PPP1R12B: variants seen among roughly 807,000 people sequenced by gnomAD.
PPP1R12B encodes myosin phosphatase target subunit 2.
A neutral mutation model predicts 126.1 loss-of-function variants in PPP1R12B; 76 were observed. The ratio of observed to expected loss-of-function variants is 0.60; its 90% CI spans 0.50 to 0.73. The LOEUF (loss-of-function observed/expected upper bound fraction) is 0.73. Among genes scored for constraint, PPP1R12B ranks in the 30% least tolerant of loss-of-function variants. PPP1R12B has a pLI of 0.00. For missense variants in PPP1R12B, 1,052 were observed against 1,205.1 expected (o/e 0.87, Z 1.88); for synonymous variants, 356 against 434.7 (o/e 0.82, Z 2.25).
intron 23 of PPP1R12B, among the ~76,000 whole-genome samples, chr1:202,573,671 G>A (rs1039421320): frequency 7.9e-5 from 12 of 152,082 alleles, no homozygotes; most frequent in Non-Finnish European, 7.3e-5. Context: ...TAGCAGAGTC[G>A]GCAGGCCTTT....
chr1:202,498,169 C>T (rs987214712), intron 18 of PPP1R12B, among the ~76,000 whole-genome samples: 1 of 152,152 alleles, frequency 6.6e-6, no homozygotes, highest in Non-Finnish European at 1.5e-5. Context: ...GATCTTGATG[C>T]AGTACTTCCT....
chr1:202,481,752 C>T (rs927523631), intron 13 of PPP1R12B, among the ~76,000 whole-genome samples: 2 of 152,132 alleles, frequency 1.3e-5, no homozygotes, highest in African/African-American at 4.8e-5. Flanking sequence ...ATCTCTTTTA[C>T]CTATTTTGTA....
chr1:202,491,527 A>G (rs576693227), intron 14 of PPP1R12B, among the ~76,000 whole-genome samples: 5 of 152,316 alleles, frequency 3.3e-5, no homozygotes, highest in Admixed American at 2.6e-4. Flanking sequence ...TTCCACCATC[A>G]TACAGTAAAT....
chr1:202,575,943 T>C (rs1689054447), intron 23 of PPP1R12B: 1 of 152,264 alleles, frequency 6.6e-6, no homozygotes. Context: ...CTGCATCCCA[T>C]TATTCAAGCA....
In PPP1R12B at chr1:202,586,016, CCTTA is replaced by C. The variant is rs1689790569; in HGVS notation, c.*5458_*5461del. Reference sequence around the variant, plus strand: ...GTCTGGTTCATTGTCTTGAACTCTGCCTTACAGCAGCAAGAAAATTTTCCTCGAC... The same window carrying C: ...GTCTGGTTCATTGTCTTGAACTCTGCCAGCAGCAAGAAAATTTTCCTCGAC... On this transcript the variant is annotated 3_prime_UTR_variant, in exon 24 of 24. Transcript: ENST00000608999. 1 of 152,236 alleles carries C rather than the reference CCTTA, an allele frequency of 6.6e-6. No homozygotes were observed. The highest frequency in any genetic ancestry group is 1.5e-5 in the Non-Finnish European group (1 of 68,044). 9.4% of individuals were successfully genotyped at this position (152,236 alleles called of 1,614,324 possible).
At chr1:202,500,638 A>G (rs549055087) in intron 18 of PPP1R12B, among the ~76,000 whole-genome samples, 4 of 152,164 alleles carry the variant, frequency 2.6e-5, no homozygotes, top group Non-Finnish European at 4.4e-5. Context: ...AGGTAGGGGG[A>G]ATAAGTTCTA....
At chr1:202,553,433 GA>G (rs1686524951) in intron 18 of PPP1R12B, among the ~76,000 whole-genome samples, 1 of 152,172 alleles carries the variant, frequency 6.6e-6, no homozygotes, top group African/African-American at 2.4e-5. Flanking sequence ...AACACTTAGA[GA>G]AGTTCTAAGA....
In PPP1R12B at chr1:202,555,418, T is replaced by C. The variant is rs56841647; in HGVS notation, c.2491-3459T>C. Among the ~76,000 whole-genome samples the C allele has an allele frequency of 7.7e-5, 6 of 78,098 alleles. No individual in the cohort carries two copies. In the East Asian group the frequency reaches 1.6e-3, roughly 21 times the overall value. The allele number at this position is 78,098 out of a possible 152,430, so 51.2% of individuals were successfully genotyped here. A position where few individuals can be genotyped will look rare whatever the true frequency, so the allele number is the denominator to read the frequency against. On this transcript the variant is annotated intron_variant, in intron 18 of 23. Coordinates refer to ENST00000608999, the MANE Select transcript of PPP1R12B (RefSeq NM_002481.4). ...ACAGCAGAATTTAAAACTAAAGATA[T>C]AGTAAAATCTTACCCAACAAATAGG...
In PPP1R12B at chr1:202,589,568, CT is replaced by C. The variant is rs1690028167; in HGVS notation, c.*9009del. 6.6e-6 allele frequency: 1 copy of C among 152,374 alleles called. No individual in the cohort carries two copies. The highest frequency in any genetic ancestry group is 2.1e-4 in the South Asian group (1 of 4,832). 9.4% of individuals were successfully genotyped at this position (152,374 alleles called of 1,614,324 possible). ...ATGTCATTTCTCTTTCTGACCCCCA[CT>C]GGTTGTAGTAAGGTCTGCAGATACA... On this transcript the variant is annotated 3_prime_UTR_variant, in exon 24 of 24. Coordinates refer to ENST00000608999, the MANE Select transcript of PPP1R12B (RefSeq NM_002481.4).
intron 10 of PPP1R12B, chr1:202,438,935 A>G: frequency 1.3e-6 from 2 of 1,532,946 alleles, no homozygotes; most frequent in South Asian, 1.1e-5. Flanking sequence ...GACCCCGAAG[A>G]CGGCCGTGGA....
chr1:202,556,871 CAATA>C (rs1277031019), intron 18 of PPP1R12B, among the ~76,000 whole-genome samples: 4 of 152,222 alleles, frequency 2.6e-5, no homozygotes, highest in Admixed American at 2.0e-4. Flanking sequence ...TGACATGTCA[CAATA>C]AATAGTTTTC....
At chr1:202,521,763 A>G (rs1682815827) in intron 18 of PPP1R12B, among the ~76,000 whole-genome samples, 3 of 152,198 alleles carry the variant, frequency 2.0e-5, no homozygotes, top group African/African-American at 7.2e-5. Context: ...GCAAAGGAGA[A>G]AAAAGAATGA....
chr1:202,506,214 C>T (rs1680789879), intron 18 of PPP1R12B, among the ~76,000 whole-genome samples: 1 of 152,198 alleles, frequency 6.6e-6, no homozygotes. Context: ...CTCGAAGGAT[C>T]TTTCCTCTCA....
At chr1:202,494,613 C>T (rs1029523744) in intron 15 of PPP1R12B, among the ~76,000 whole-genome samples, 6 of 147,594 alleles carry the variant, frequency 4.1e-5, no homozygotes, top group Admixed American at 2.0e-4. Flanking sequence ...CCACAATAGA[C>T]CAGAATTGCT....
intron 18 of PPP1R12B, among the ~76,000 whole-genome samples, chr1:202,550,541 T>C (rs541900942): frequency 2.2e-4 from 34 of 152,366 alleles, no homozygotes; most frequent in African/African-American, 8.2e-4. Flanking sequence ...CTGATCAGGC[T>C]TCTTAGGTGT....
chr1:202,363,751 A>G (rs1170060371), intron 1 of PPP1R12B, among the ~76,000 whole-genome samples: 1 of 152,108 alleles, frequency 6.6e-6, no homozygotes, highest in Non-Finnish European at 1.5e-5. Flanking sequence ...CACCTGTGCC[A>G]TTTTATTTTA....
At chr1:202,530,971 A>G (rs1683873313) in intron 18 of PPP1R12B, among the ~76,000 whole-genome samples, 1 of 152,238 alleles carries the variant, frequency 6.6e-6, no homozygotes, top group Admixed American at 6.5e-5. Flanking sequence ...ATTTTGTGGT[A>G]AAGTCCCTAA....
chr1:202,467,859 A>G (rs1046696018), intron 13 of PPP1R12B, among the ~76,000 whole-genome samples: 1 of 152,050 alleles, frequency 6.6e-6, no homozygotes, highest in Non-Finnish European at 1.5e-5. Context: ...AAGTGTTCCT[A>G]TTTCTCCACA....
At chr1:202,495,903 C>G (rs1307453948) in intron 17 of PPP1R12B, among the ~76,000 whole-genome samples, 1 of 152,134 alleles carries the variant, frequency 6.6e-6, no homozygotes, top group Non-Finnish European at 1.5e-5. Flanking sequence ...ACATGGTAGG[C>G]ACTCAGTAAA....
Sources: gnomAD v4.1 joint callset for allele counts (sites outside exome capture counted in the v4.1 genomes callset) on GRCh38, gnomAD v4.1.1 for gene constraint, MANE v1.5 for transcripts, NCBI Gene and HGNC (gene_info 2026-07-23, HGNC 2026-07-21) for gene names.